Variants in DDT observed in about 807,000 individuals in gnomAD.
The protein encoded by DDT is D-dopachrome tautomerase.
Under a neutral mutation model 2.5 loss-of-function variants are expected in DDT, and 4 were observed. That is an observed-to-expected ratio of 1.59 (90% confidence interval 0.78 to 3.63). The LOEUF is 3.63. Among genes scored for constraint, DDT ranks in the 30% most tolerant of loss-of-function variants. The pLI, the probability that DDT is intolerant of heterozygous loss-of-function variation, is 0.01. For synonymous variants in DDT, 11 were observed against 10.0 expected (o/e 1.10, Z -0.19); for missense variants, 32 against 30.0 (o/e 1.07, Z -0.15).
At position 23,971,411 on chromosome 22, in the gene DDT, G is replaced by A. The variant is rs776462946; in HGVS notation, c.*140C>T. ...CTCTTCATTTATTTCATATGAGGAT[G>A]AAGAAGAGGATTATGTGATCACAGG... is the stretch of plus-strand genomic sequence containing the variant. On this transcript the variant is annotated 3_prime_UTR_variant, in exon 3 of 3. Transcript: ENST00000398344. 6.2e-7 allele frequency: 1 copy of A among 1,613,020 alleles called. No individual in the cohort carries two copies. Among genetic ancestry groups the A allele is most frequent in the Non-Finnish European group, 8.5e-7 (1 of 1,179,424 alleles).
In DDT at chr22:23,972,711, C is replaced by T. The variant is rs1349851806; in HGVS notation, c.284+1057G>A. Reference sequence around the variant, plus strand: ...GCAGGATCAGCCATTCCTCATCGACCTTCATGGACTAACAAAGGCTCCATT... The same window carrying T: ...GCAGGATCAGCCATTCCTCATCGACTTTCATGGACTAACAAAGGCTCCATT... On this transcript the variant is annotated intron_variant, in intron 2 of 2. Transcript: ENST00000398344. 54 of 903,126 alleles carry T rather than the reference C, an allele frequency of 6.0e-5. No homozygotes were observed. The African/African-American group carries it at 1.1e-3, about 19-fold the overall frequency. 55.9% of individuals were successfully genotyped at this position (903,126 alleles called of 1,614,324 possible).
intron 2 of DDT, 143 bp from the exon 3 acceptor site, chr22:23,971,766 T>A: frequency 1.4e-6 from 1 of 711,400 alleles, no homozygotes; most frequent in Non-Finnish European, 2.3e-6. Context: ...CTCATCCCAA[T>A]AATGATTTTC....
rs968755165 is a variant in DDT, at chr22:23,971,433, C to A, written c.*118G>T. ...GATGAAGAAGAGGATTATGTGATCA[C>A]AGGAATGTTGCATGCGGGATAATCC... On this transcript the variant is annotated 3_prime_UTR_variant, in exon 3 of 3. Coordinates refer to ENST00000398344, the MANE Select transcript of DDT (RefSeq NM_001084392.3). The A allele has an allele frequency of 6.2e-7, 1 of 1,610,454 alleles. No homozygotes were observed. Among genetic ancestry groups the A allele is most frequent in the African/African-American group, 1.3e-5 (1 of 74,824 alleles).
intron 2 of DDT, 137 bp from the exon 3 acceptor site, chr22:23,971,760 T>C: frequency 2.7e-6 from 2 of 738,482 alleles, no homozygotes; most frequent in South Asian, 3.7e-5. Flanking sequence ...AACCTGCTCA[T>C]CCCAATAATG....
Position 23,971,511 on chromosome 22 carries a change from G to A in DDT, c.*40C>T. ...CTGCCAAGAGATCTCTCTGGAAGAA[G>A]CAGCCAGTTCACAGATGCCCTGGAT... On this transcript the variant is annotated 3_prime_UTR_variant, in exon 3 of 3. Coordinates refer to ENST00000398344, the MANE Select transcript of DDT (RefSeq NM_001084392.3). 3.1e-6 allele frequency: 5 copies of A among 1,611,754 alleles called. No individual in the cohort carries two copies. Among genetic ancestry groups the A allele is most frequent in the Non-Finnish European group, 4.2e-6 (5 of 1,178,456 alleles).
chr22:23,971,613 G>A lies in DDT; in HGVS notation c.295C>T (p.Arg99Cys), dbSNP rs140621020. The change falls in exon 3 of 3, where the codon CGC (arginine) becomes TGC (cysteine). Residue 99 changes from arginine to cysteine, a missense_variant. By Grantham distance (180) the Arg-to-Cys change is radical. Transcript: ENST00000398344. Reference sequence around the variant, plus strand: ...TGCCAGGACTCCAAGGGGAAAAAGCGGATAAGTATCCTTCAGGAGACAGAG... The same window carrying A: ...TGCCAGGACTCCAAGGGGAAAAAGCAGATAAGTATCCTTCAGGAGACAGAG... ...LALGQDRILI[R>C]FFPLESWQIG... The A allele has an allele frequency of 7.7e-5, 125 of 1,614,026 alleles. No homozygotes were observed. The African/African-American group carries it at 1.0e-3, about 13-fold the overall frequency.
Position 23,971,524 on chromosome 22 carries a change from A to G in DDT, c.*27T>C. The G allele has an allele frequency of 2.5e-6, 4 of 1,613,092 alleles. No individual in the cohort carries two copies. Among genetic ancestry groups the G allele is most frequent in the Non-Finnish European group, 3.4e-6 (4 of 1,179,384 alleles). On this transcript the variant is annotated 3_prime_UTR_variant, in exon 3 of 3. Transcript: ENST00000398344. ...TCTCTGGAAGAAGCAGCCAGTTCAC[A>G]GATGCCCTGGATCCCTCCGTGCCCA...
At chr22:23,971,700 C>G in intron 2 of DDT, 77 bp from the exon 3 acceptor site, 1 of 1,346,146 alleles carries the variant, frequency 7.4e-7, no homozygotes, top group Non-Finnish European at 1.0e-6. Context: ...CCAGGTACTC[C>G]CACTGTGGGT....
intron 2 of DDT, chr22:23,972,077 C>A: frequency 1.4e-6 from 1 of 729,632 alleles, no homozygotes; most frequent in Non-Finnish European, 1.7e-6. Flanking sequence ...CAGCAAGTTT[C>A]CAGTGAGGAA....
At chr22:23,975,457 A>G (rs2033944113), upstream of DDT, among the ~76,000 whole-genome samples, 1 of 151,162 alleles carries the variant, frequency 6.6e-6, no homozygotes, top group East Asian at 1.9e-4. Context: ...GTGTGGCAAA[A>G]TCACTTGAAT....
chr22:23,971,642 A>T lies in DDT; in HGVS notation c.285-19T>A, dbSNP rs1373610508. The T allele has an allele frequency of 2.4e-5, 39 of 1,600,674 alleles. No individual in the cohort carries two copies. The highest frequency in any genetic ancestry group is 3.3e-5 in the Non-Finnish European group (38 of 1,168,600). ...AAGTATCCTTCAGGAGACAGAGAAAAAGATATCATCAGCTCCTTGGCTAAT... is the reference window on the plus strand; with the variant it reads ...AAGTATCCTTCAGGAGACAGAGAAATAGATATCATCAGCTCCTTGGCTAAT... On this transcript the variant is annotated intron_variant, in intron 2 of 2. Transcript: ENST00000398344.
At position 23,971,554 on chromosome 22, in the gene DDT, T is replaced by G. The variant is rs557754092; in HGVS notation, c.354A>C (p.Leu118Phe). 4.5e-4 allele frequency: 733 copies of G among 1,613,962 alleles called. 8 individuals carry two copies. In the South Asian group the frequency reaches 7.4e-3, roughly 16 times the overall value. Residue 118 changes from leucine (L) to phenylalanine (F), a missense_variant, in exon 3 of 3, where the codon TTA (leucine) becomes TTC (phenylalanine). Transcript: ENST00000398344. ...IGKIGTVMTF[L>F] ...CCCTGGATCCCTCCGTGCCCAATCA[T>G]AAAAAAGTCATGACCGTCCCTATCT...
chr22:23,971,545 G>A lies in DDT; in HGVS notation c.*6C>T, dbSNP rs1206016475. 1 of 1,614,006 alleles carries A rather than the reference G, an allele frequency of 6.2e-7. No individual in the cohort carries two copies. Among genetic ancestry groups the A allele is most frequent in the Non-Finnish European group, 8.5e-7 (1 of 1,179,948 alleles). ...TCACAGATGCCCTGGATCCCTCCGT[G>A]CCCAATCATAAAAAAGTCATGACCG... On this transcript the variant is annotated 3_prime_UTR_variant, in exon 3 of 3. Coordinates refer to ENST00000398344, the MANE Select transcript of DDT (RefSeq NM_001084392.3).
chr22:23,971,892 C>CTA (rs1349896536), intron 2 of DDT: 7 of 421,622 alleles, frequency 1.7e-5, no homozygotes, highest in African/African-American at 1.4e-4. Flanking sequence ...TACACTCTAT[C>CTA]ATCTCCATCA....
Position 23,971,627 on chromosome 22 carries a change from C to A in DDT, c.285-4G>T. ...GGGGAAAAAGCGGATAAGTATCCTT[C>A]AGGAGACAGAGAAAAAGATATCATC... On this transcript the variant is annotated splice_polypyrimidine_tract_variant and splice_region_variant and intron_variant, in intron 2 of 2. Coordinates refer to ENST00000398344, the MANE Select transcript of DDT (RefSeq NM_001084392.3). 16 of 1,611,286 alleles carry A rather than the reference C, an allele frequency of 9.9e-6. No homozygotes were observed. The highest frequency in any genetic ancestry group is 1.4e-5 in the Non-Finnish European group (16 of 1,178,158).
Position 23,971,452 on chromosome 22 carries a change from A to G in DDT, c.*99T>C. ...TGATCACAGGAATGTTGCATGCGGG[A>G]TAATCCAAAGCTGGTTATCTCCAGG... is the stretch of plus-strand genomic sequence containing the variant. On this transcript the variant is annotated 3_prime_UTR_variant, in exon 3 of 3. Transcript: ENST00000398344. The G allele has an allele frequency of 1.2e-6, 2 of 1,608,250 alleles. No individual in the cohort carries two copies. Among genetic ancestry groups the G allele is most frequent in the Non-Finnish European group, 8.5e-7 (1 of 1,176,340 alleles).
At chr22:23,971,685 C>G in intron 2 of DDT, 62 bp from the exon 3 acceptor site, 2 of 1,486,222 alleles carry the variant, frequency 1.3e-6, no homozygotes, top group Admixed American at 1.8e-5. Context: ...CTTGCAAGAC[C>G]CCTGCCAGGT....
chr22:23,971,666 A>G, intron 2 of DDT, 43 bp from the exon 3 acceptor site: 1 of 1,581,798 alleles, frequency 6.3e-7, no homozygotes, highest in Non-Finnish European at 8.7e-7. Context: ...TCCTTGGCTA[A>G]TACCACATCT....
Position 23,971,624 on chromosome 22 carries a change from C to A in DDT, c.285-1G>T. ...CAAGGGGAAAAAGCGGATAAGTATC[C>A]TTCAGGAGACAGAGAAAAAGATATC... On this transcript the variant is annotated splice_acceptor_variant, in intron 2 of 2. Transcript: ENST00000398344. LOFTEE classifies it high-confidence loss of function. 4 of 1,613,338 alleles carry A rather than the reference C, an allele frequency of 2.5e-6. No homozygotes were observed. Among genetic ancestry groups the A allele is most frequent in the Non-Finnish European group, 3.4e-6 (4 of 1,179,486 alleles).
Sources: allele counts gnomAD v4.1 joint callset (sites outside exome capture counted in the v4.1 genomes callset), GRCh38; gene constraint gnomAD v4.1.1; transcripts MANE v1.5; gene names NCBI Gene and HGNC (gene_info 2026-07-23, HGNC 2026-07-21).